The following RBM44 variants were observed in gnomAD, a reference collection of about 807,000 sequenced individuals.
RBM44 encodes the protein RNA binding motif protein 44.
In RBM44, 66 loss-of-function variants were observed where a neutral mutation model predicts 105.1. The observed-to-expected ratio is 0.63, with a 90% CI of 0.52 to 0.77. RBM44 has a LOEUF of 0.77. Among genes scored for constraint, RBM44 ranks in the 30% least tolerant of loss-of-function variants. The pLI is 0.00. For synonymous variants in RBM44, 365 were observed against 417.6 expected, an observed-to-expected ratio of 0.87 and a Z score of 1.54; for missense variants, 1,122 against 1,207.8, an observed-to-expected ratio of 0.93 and a Z score of 1.05.
At chr2:237,800,398 C>A (rs2061533488) in intron 1 of RBM44, among the ~76,000 whole-genome samples, 1 of 152,120 alleles carries the variant, frequency 6.6e-6, no homozygotes, top group Non-Finnish European at 1.5e-5. Context: ...GCAAGTACTT[C>A]CGTTATACTA....
chr2:237,821,746 T>G lies in RBM44; in HGVS notation c.2124T>G (p.Phe708Leu). Residue 708 changes from phenylalanine (F) to leucine (L), a missense_variant, in exon 8 of 16, where the codon TTT becomes TTG. Physicochemically the swap from Phe to Leu is conservative, Grantham distance 22. This residue lies in a region of RBM44 where 918 missense variants were observed against 955.3 expected (regional missense o/e 0.96). Transcript: ENST00000316997. The part of the protein sequence containing the change: ...SRLMKKETHV[F>L]SEADAEQDNQ... ...TCTTCTGAAATGTTCTTTTTAGCTTTTCAGAAGCAGATGCTGAACAAGATA... is the reference window on the plus strand; with the variant it reads ...TCTTCTGAAATGTTCTTTTTAGCTTGTCAGAAGCAGATGCTGAACAAGATA... 6.2e-7 allele frequency: 1 copy of G among 1,607,738 alleles called. No homozygotes were observed. The highest frequency in any genetic ancestry group is 8.5e-7 in the Non-Finnish European group (1 of 1,175,380).
At chr2:237,828,641 T>C (rs2061873017) in intron 12 of RBM44, among the ~76,000 whole-genome samples, 1 of 152,180 alleles carries the variant, frequency 6.6e-6, no homozygotes, top group Non-Finnish European at 1.5e-5. Context: ...TATCCTTCCA[T>C]TGACGCTGTC....
chr2:237,820,317 A>C lies in RBM44; in HGVS notation c.1879A>C (p.Lys627Gln). The stretch of plus-strand genomic sequence containing the variant: ...TCGTCGCCATTGTTGTGATATTTAC[A>C]AACTTGTCATGGAAAATAGGGAAGG... Reference protein sequence around the residue: ...MCRRHCCDIYKLVMENREGLN... With the variant: ...MCRRHCCDIYQLVMENREGLN... The change falls in exon 5 of 16, where the codon AAA becomes CAA. Residue 627 changes from lysine (K) to glutamine (Q), a missense_variant. Lys to Gln is a moderately conservative substitution (Grantham distance 53). Transcript: ENST00000316997. 6.3e-7 allele frequency: 1 copy of C among 1,598,186 alleles called. No homozygotes were observed. Among genetic ancestry groups the C allele is most frequent in the Non-Finnish European group, 8.5e-7 (1 of 1,172,192 alleles).
chr2:237,831,417 A>G (rs1396244838), intron 13 of RBM44, among the ~76,000 whole-genome samples: 2 of 151,892 alleles, frequency 1.3e-5, no homozygotes, highest in Non-Finnish European at 2.9e-5. Flanking sequence ...AGTAGCTGGG[A>G]TTATAGGAAG....
At chr2:237,812,507 T>C (rs1418669242) in intron 1 of RBM44, among the ~76,000 whole-genome samples, 1 of 152,190 alleles carries the variant, frequency 6.6e-6, no homozygotes, top group Non-Finnish European at 1.5e-5. Context: ...GCTGTCTCCA[T>C]GACATGAGAT....
chr2:237,810,331 T>C (rs904281482), intron 1 of RBM44, among the ~76,000 whole-genome samples: 3 of 152,246 alleles, frequency 2.0e-5, no homozygotes, highest in Admixed American at 6.5e-5. Context: ...TCTCTTACAA[T>C]ATGCATTCAT....
intron 15 of RBM44, among the ~76,000 whole-genome samples, chr2:237,837,085 T>G (rs1203861610): frequency 6.6e-6 from 1 of 152,162 alleles, no homozygotes; most frequent in Non-Finnish European, 1.5e-5. Context: ...CCAGGCTGGT[T>G]TACTGAATCT....
At chr2:237,815,685 A>G (rs903789858) in intron 2 of RBM44, among the ~76,000 whole-genome samples, 1 of 152,026 alleles carries the variant, frequency 6.6e-6, no homozygotes, top group Admixed American at 6.6e-5. Context: ...GTACTGGGTC[A>G]TGATATGACC....
chr2:237,817,704 C>T lies in RBM44; in HGVS notation c.785C>T (p.Ser262Phe). The change falls in exon 3 of 16, where the codon TCC (serine) becomes TTC (phenylalanine). Residue 262 changes from serine (S) to phenylalanine (F), a missense_variant. This residue lies in a region of RBM44 where 918 missense variants were observed against 955.3 expected (regional missense o/e 0.96). Transcript: ENST00000316997. ...VYGQEESLHVSKFQNSVMLRE... is the reference protein window; with the variant it reads ...VYGQEESLHVFKFQNSVMLRE... ...GGACAAGAAGAGTCACTTCATGTCT[C>T]CAAATTTCAGAATTCTGTTATGTTA... The T allele has an allele frequency of 6.2e-7, 1 of 1,612,336 alleles. No individual in the cohort carries two copies. The highest frequency in any genetic ancestry group is 8.5e-7 in the Non-Finnish European group (1 of 1,179,156).
rs2061700643 is a variant in RBM44, at chr2:237,815,062, C to G, written c.73+1380C>G. ...ACAAGATACTATAAAAAGTTAAAGC[C>G]AGGCAAGCTACTTGGGTGGCTGAGG... is the stretch of plus-strand genomic sequence containing the variant. On this transcript the variant is annotated intron_variant, in intron 2 of 15. Coordinates refer to ENST00000316997, the MANE Select transcript of RBM44 (RefSeq NM_001080504.3). Among the ~76,000 whole-genome samples the G allele has an allele frequency of 2.0e-5, 3 of 151,968 alleles. No individual in the cohort carries two copies. In the South Asian group the frequency reaches 6.2e-4, roughly 31 times the overall value.
At position 237,817,394 on chromosome 2, in the gene RBM44, A is replaced by C. The variant is rs2061731356; in HGVS notation, c.475A>C (p.Arg159=). 1.2e-6 allele frequency: 2 copies of C among 1,602,594 alleles called. No homozygotes were observed. Among genetic ancestry groups the C allele is most frequent in the Non-Finnish European group, 1.7e-6 (2 of 1,174,310 alleles). Residue 159 remains arginine, a synonymous_variant, in exon 3 of 16, where the codon AGA becomes CGA. Transcript: ENST00000316997. ...EHQDKTVGLE[R]IYNISDANYR... Reference sequence around the variant, plus strand: ...TCAAGATAAGACTGTTGGCTTGGAAAGAATCTACAATATTTCAGATGCTAA... The same window carrying C: ...TCAAGATAAGACTGTTGGCTTGGAACGAATCTACAATATTTCAGATGCTAA...
intron 15 of RBM44, among the ~76,000 whole-genome samples, chr2:237,838,343 TAA>T (rs753768615): frequency 1.3e-4 from 20 of 152,050 alleles, no homozygotes; most frequent in Non-Finnish European, 2.1e-4. Flanking sequence ...ATAAAAAAAC[TAA>T]GATAATTTGT....
intron 15 of RBM44, among the ~76,000 whole-genome samples, chr2:237,839,166 T>C (rs532890132): frequency 2.6e-4 from 39 of 152,350 alleles, no homozygotes; most frequent in African/African-American, 9.4e-4. Context: ...TTTAACCCTT[T>C]TTCTACATAT....
At chr2:237,804,819 T>A (rs1162973168) in intron 1 of RBM44, among the ~76,000 whole-genome samples, 1 of 152,184 alleles carries the variant, frequency 6.6e-6, no homozygotes, top group Non-Finnish European at 1.5e-5. Context: ...CCACTTGTCT[T>A]TTTTTTCTTT....
Position 237,811,635 on chromosome 2 carries a change from AT to A in RBM44, c.-18-1949del, listed in dbSNP as rs907889847. On this transcript the variant is annotated intron_variant, in intron 1 of 15. Transcript: ENST00000316997. ...AAGATGTATCTTTGATGGCCTTTTC[AT>A]TTTTTTTCATGGTTGATAATGCTGT... Among the ~76,000 whole-genome samples the A allele has an allele frequency of 1.8e-3, 269 of 149,324 alleles. 2 individuals are homozygous for A. Among genetic ancestry groups the A allele is most frequent in the African/African-American group, 6.2e-3 (251 of 40,546 alleles).
intron 1 of RBM44, among the ~76,000 whole-genome samples, chr2:237,813,354 TAGTA>T (rs2061677695): frequency 6.6e-6 from 1 of 151,790 alleles, no homozygotes. Context: ...CATTGGTTTT[TAGTA>T]AGTGTACAAA....
rs1387199395 is a variant in RBM44 at position 237,824,374 on chromosome 2, G to A, written c.2404G>A (p.Gly802Arg). The A allele has an allele frequency of 1.2e-6, 2 of 1,612,850 alleles. No homozygotes were observed. Among genetic ancestry groups the A allele is most frequent in the Non-Finnish European group, 8.5e-7 (1 of 1,179,240 alleles). ...AGGAGTTGACGTCTCAGGGACACAG[G>A]GAAATCAAGTAGAACAAGACACATG... ...LTGVDVSGTQ[G>R]NQVEQDTWNL... is the part of the protein sequence containing the mutation. The change falls in exon 10 of 16, where the codon GGA becomes AGA. Residue 802 changes from glycine to arginine, a missense_variant. Physicochemically the swap from Gly to Arg is moderately radical, Grantham distance 125. Around this residue, in one of 3 missense-constraint regions of RBM44, gnomAD observed 918 missense variants for 955.3 expected, o/e 0.96. Coordinates refer to ENST00000316997, the MANE Select transcript of RBM44 (RefSeq NM_001080504.3).
intron 1 of RBM44, chr2:237,799,116 C>T (rs906347512): frequency 1.3e-5 from 2 of 152,140 alleles, no homozygotes; most frequent in African/African-American, 4.8e-5. Context: ...CCGCAAAAGT[C>T]GTTCTCGAAC....
At position 237,812,779 on chromosome 2, in the gene RBM44, C is replaced by T. The variant is rs532360065; in HGVS notation, c.-18-813C>T. On this transcript the variant is annotated intron_variant, in intron 1 of 15. Transcript: ENST00000316997. The stretch of plus-strand genomic sequence containing the variant: ...GTTGGCTGGACTTCCTTCTGCTTGT[C>T]GCCTCTGGGATCATTTCATGTGTCC... 1.6e-3 allele frequency among the ~76,000 whole-genome samples: 240 copies of T among 152,082 alleles called. 1 individual carries two copies. The highest frequency in any genetic ancestry group is 2.4e-3 in the Non-Finnish European group (160 of 67,992).
Sources: allele counts gnomAD v4.1 joint callset (sites outside exome capture counted in the v4.1 genomes callset), GRCh38; gene constraint gnomAD v4.1.1; regional missense constraint gnomAD v4.1.1; transcripts MANE v1.5; gene names NCBI Gene and HGNC (gene_info 2026-07-23, HGNC 2026-07-21).